The following ANTXR1 variants were observed in gnomAD, a reference collection of about 807,000 sequenced individuals.
ANTXR1 encodes ANTXR cell adhesion molecule 1.
Under a neutral mutation model 78.1 loss-of-function variants are expected in ANTXR1, and 19 were observed. That is an observed-to-expected ratio of 0.24 (90% CI 0.17 to 0.36). The LOEUF (loss-of-function observed/expected upper bound fraction) is 0.36, where lower values mean the gene tolerates loss of function less well. Ranked by LOEUF, ANTXR1 falls within the 10% of genes least tolerant of loss-of-function variation. ANTXR1 has a pLI of 1.00. For synonymous variants in ANTXR1, 273 were observed against 260.5 expected (o/e 1.05, Z -0.46); for missense variants, 518 against 718.6 (o/e 0.72, Z 3.19).
intron 17 of ANTXR1, among the ~76,000 whole-genome samples, chr2:69,232,498 C>CA (rs757638057): frequency 0.045 from 4,117 of 91,804 alleles, 151 homozygotes; most frequent in African/African-American, 0.13. Context: ...AGCTTGTCTC[C>CA]AAAAAAAAAA....
At chr2:69,114,151 G>A (rs1343946445) in intron 10 of ANTXR1, among the ~76,000 whole-genome samples, 1 of 152,166 alleles carries the variant, frequency 6.6e-6, no homozygotes, top group East Asian at 1.9e-4. Flanking sequence ...TTCTGAAATA[G>A]TATTTCCCAA....
chr2:69,235,434 G>A (rs998562900), intron 17 of ANTXR1, among the ~76,000 whole-genome samples: 3 of 152,018 alleles, frequency 2.0e-5, no homozygotes, highest in Admixed American at 6.5e-5. Flanking sequence ...TAGACCATCT[G>A]AGCTCAGGAG....
In ANTXR1 at chr2:69,245,848, G is replaced by T; in HGVS notation, c.*363G>T. 4.6e-6 allele frequency: 1 copy of T among 216,964 alleles called. No homozygotes were observed. The highest frequency in any genetic ancestry group is 9.2e-6 in the Non-Finnish European group (1 of 108,420). 13.4% of individuals were successfully genotyped at this position (216,964 alleles called of 1,614,324 possible). On this transcript the variant is annotated 3_prime_UTR_variant, in exon 18 of 18. Coordinates refer to ENST00000303714, the MANE Select transcript of ANTXR1 (RefSeq NM_032208.3). ...AGAGTTGGATAAGAAATACATTGCT[G>T]GGTTTCTAAAATGCTGCCTTCCTGC...
intron 2 of ANTXR1, among the ~76,000 whole-genome samples, chr2:69,041,000 T>C (rs1410355528): frequency 2.6e-5 from 4 of 152,130 alleles, no homozygotes; most frequent in Non-Finnish European, 4.4e-5. Context: ...TCAAATTTGG[T>C]TATTGACCTC....
intron 10 of ANTXR1, among the ~76,000 whole-genome samples, chr2:69,118,255 A>G (rs960342666): frequency 2.0e-5 from 3 of 151,106 alleles, no homozygotes; most frequent in Non-Finnish European, 2.9e-5. Context: ...ACAAAAAAAA[A>G]AAAAAAATTT....
At chr2:69,106,044 T>C (rs928508236) in intron 10 of ANTXR1, among the ~76,000 whole-genome samples, 17 of 152,256 alleles carry the variant, frequency 1.1e-4, no homozygotes, top group Non-Finnish European at 2.9e-5. Flanking sequence ...ATAGAGCATA[T>C]ATCTTTATGC....
chr2:69,029,911 TG>T (rs1322187005), intron 1 of ANTXR1, among the ~76,000 whole-genome samples: 1 of 152,134 alleles, frequency 6.6e-6, no homozygotes, highest in African/African-American at 2.4e-5. Flanking sequence ...ACTGAAAGAA[TG>T]GATTGTCAAT....
chr2:69,190,660 A>T (rs1674524204), intron 16 of ANTXR1, among the ~76,000 whole-genome samples: 2 of 152,180 alleles, frequency 1.3e-5, no homozygotes, highest in African/African-American at 2.4e-5. Flanking sequence ...TAACCCATAG[A>T]GCTGGTGAAA....
chr2:69,084,604 T>C (rs945395766), intron 8 of ANTXR1, among the ~76,000 whole-genome samples: 1 of 150,166 alleles, frequency 6.7e-6, no homozygotes, highest in East Asian at 1.9e-4. Context: ...TTTTTTTTTT[T>C]TTTTTTTTTA....
chr2:69,186,246 G>A (rs1674412788), intron 16 of ANTXR1, among the ~76,000 whole-genome samples: 1 of 152,226 alleles, frequency 6.6e-6, no homozygotes, highest in Non-Finnish European at 1.5e-5. Flanking sequence ...TGTTTTAGAT[G>A]CAACAAGAAG....
In ANTXR1 at chr2:69,124,132, C is replaced by T. The variant is rs137884639; in HGVS notation, c.873-433C>T. On this transcript the variant is annotated intron_variant, in intron 11 of 17. Coordinates refer to ENST00000303714, the MANE Select transcript of ANTXR1 (RefSeq NM_032208.3). ...GTCTGTTGAATGGTAACAAAGCCACCCCCATCAAATCACTGAGAGTCCAGA... is the reference window on the plus strand; with the variant it reads ...GTCTGTTGAATGGTAACAAAGCCACTCCCATCAAATCACTGAGAGTCCAGA... 2.0e-5 allele frequency among the ~76,000 whole-genome samples: 3 copies of T among 152,270 alleles called. No homozygotes were observed. The East Asian group carries it at 5.8e-4, about 29-fold the overall frequency.
At chr2:69,055,418 T>A (rs1490236994) in intron 3 of ANTXR1, among the ~76,000 whole-genome samples, 1 of 152,150 alleles carries the variant, frequency 6.6e-6, no homozygotes, top group Non-Finnish European at 1.5e-5. Context: ...AAGGTTTGTT[T>A]AAGGGGTCTC....
Position 69,192,818 on chromosome 2 carries a change from A to G in ANTXR1, c.1354-517A>G, listed in dbSNP as rs569988089. ...TTTGTCTCTCAAGCCCAGGCTTCAGAGCAAGTTATAGCTGCTGAGCAAGCC... is the reference window on the plus strand; with the variant it reads ...TTTGTCTCTCAAGCCCAGGCTTCAGGGCAAGTTATAGCTGCTGAGCAAGCC... On this transcript the variant is annotated intron_variant, in intron 16 of 17. Coordinates refer to ENST00000303714, the MANE Select transcript of ANTXR1 (RefSeq NM_032208.3). Among the ~76,000 whole-genome samples the G allele has an allele frequency of 1.7e-3, 259 of 152,282 alleles. 1 individual carries two copies. The highest frequency in any genetic ancestry group is 6.1e-3 in the African/African-American group (252 of 41,558).
At chr2:69,056,105 A>G (rs1231222117) in intron 3 of ANTXR1, among the ~76,000 whole-genome samples, 1 of 152,240 alleles carries the variant, frequency 6.6e-6, no homozygotes, top group Non-Finnish European at 1.5e-5. Flanking sequence ...CTGACAAAGC[A>G]GTGCCCAGAA....
At chr2:69,071,398 AT>A (rs1290196368) in intron 4 of ANTXR1, among the ~76,000 whole-genome samples, 1 of 152,220 alleles carries the variant, frequency 6.6e-6, no homozygotes, top group Non-Finnish European at 1.5e-5. Context: ...CACTAATGAT[AT>A]TTGTTTCTAA....
intron 17 of ANTXR1, among the ~76,000 whole-genome samples, chr2:69,219,827 C>T (rs1352649779): frequency 6.6e-6 from 1 of 152,186 alleles, no homozygotes; most frequent in Non-Finnish European, 1.5e-5. Context: ...AACCTCTTGA[C>T]TGAAGTGCCC....
chr2:69,234,883 C>T (rs565465630), intron 17 of ANTXR1, among the ~76,000 whole-genome samples: 1 of 151,722 alleles, frequency 6.6e-6, no homozygotes, highest in African/African-American at 2.4e-5. Context: ...TCCAAGATAA[C>T]ACAGTAAGTT....
chr2:69,017,008 G>T (rs1365098592), intron 1 of ANTXR1, among the ~76,000 whole-genome samples: 1 of 152,204 alleles, frequency 6.6e-6, no homozygotes, highest in Non-Finnish European at 1.5e-5. Context: ...GACCTTTACA[G>T]ACATTCAGGT....
chr2:69,067,455 T>C (rs75359676), intron 3 of ANTXR1, among the ~76,000 whole-genome samples: 1 of 149,078 alleles, frequency 6.7e-6, no homozygotes, highest in Non-Finnish European at 1.5e-5. Flanking sequence ...CTTTTTTTTT[T>C]TTTTTTTTTG....
Sources: gnomAD v4.1 joint callset for allele counts (sites outside exome capture counted in the v4.1 genomes callset) on GRCh38, gnomAD v4.1.1 for gene constraint, MANE v1.5 for transcripts, NCBI Gene and HGNC (gene_info 2026-07-23, HGNC 2026-07-21) for gene names.